Variants in TDRD12 observed in about 807,000 individuals in gnomAD.
TDRD12 encodes tudor domain containing 12, also known as putative ATP-dependent RNA helicase TDRD12.
In TDRD12, 158 loss-of-function variants were observed where a neutral mutation model predicts 133.5. The ratio of observed to expected loss-of-function variants is 1.18; its 90% CI spans 1.04 to 1.35. The LOEUF (loss-of-function observed/expected upper bound fraction) is 1.35. Ranked by LOEUF, TDRD12 falls within the 40% of genes most tolerant of loss-of-function variation. The pLI, the probability that TDRD12 is intolerant of heterozygous loss-of-function variation, is 0.00. For missense variants in TDRD12, 1,443 were observed against 1,321.3 expected (o/e 1.09, Z -1.43); for synonymous variants, 460 against 477.9 (o/e 0.96, Z 0.49).
chr19:32,724,493 T>C (rs1968796196), intron 1 of TDRD12, among the ~76,000 whole-genome samples: 1 of 152,116 alleles, frequency 6.6e-6, no homozygotes. Flanking sequence ...TCTGTTCCAG[T>C]GTTAGTTTGC....
chr19:32,804,659 C>T (rs1971491800), intron 21 of TDRD12, among the ~76,000 whole-genome samples: 1 of 149,536 alleles, frequency 6.7e-6, no homozygotes, highest in Admixed American at 6.7e-5. Flanking sequence ...TGCCACTGCA[C>T]TCCAGCCTGG....
At chr19:32,791,227 C>T (rs747050648) in intron 13 of TDRD12, among the ~76,000 whole-genome samples, 159 bp downstream of exon 13, 5 of 152,168 alleles carry the variant, frequency 3.3e-5, no homozygotes, top group Non-Finnish European at 7.3e-5. Context: ...CACACTCGGC[C>T]TAATTTCTCA....
chr19:32,739,792 G>C (rs1969350610), intron 3 of TDRD12, among the ~76,000 whole-genome samples: 1 of 140,382 alleles, frequency 7.1e-6, no homozygotes. Context: ...TGCATCTCCT[G>C]GGTGCTCTCT....
chr19:32,828,092 T>TGATAGTGTTAGCATTCTTG (rs1225258905), exon 10 of TDRD12: 1 of 152,188 alleles, frequency 6.6e-6, no homozygotes, highest in Non-Finnish European at 1.5e-5. Context: ...CTATGTGAAT[T>TGATAGTGTTAGCATTCTTG]GATAGTGTTA....
chr19:32,735,652 G>A (rs1969201654), intron 2 of TDRD12, among the ~76,000 whole-genome samples: 1 of 152,214 alleles, frequency 6.6e-6, no homozygotes, highest in Non-Finnish European at 1.5e-5. Context: ...TGGAGAAGAT[G>A]TCTTCTAGGA....
intron 2 of TDRD12, among the ~76,000 whole-genome samples, chr19:32,736,980 C>G (rs115814514): frequency 3.5e-4 from 51 of 145,526 alleles, no homozygotes; most frequent in African/African-American, 1.3e-3. Flanking sequence ...CCTAGCTTAC[C>G]CTAGCCTACT....
chr19:32,757,716 C>T (rs1262593563), intron 8 of TDRD12, among the ~76,000 whole-genome samples: 2 of 152,136 alleles, frequency 1.3e-5, no homozygotes, highest in South Asian at 2.1e-4. Flanking sequence ...AACGAAACAA[C>T]CTTGAGCAAA....
chr19:32,800,342 A>G (rs978960521), exon 17 of TDRD12: 13 of 1,517,918 alleles, frequency 8.6e-6, no homozygotes, highest in Non-Finnish European at 9.6e-6. Flanking sequence ...GCTGCTCTCT[A>G]TGGCAATGTC....
rs574575958 is a variant in TDRD12, at chr19:32,806,403, C to T, written c.2553-1146C>T. ...TGTCACCCAGGCTAGAGTGCAATGGCGTGATCTCAGCTCACTGAAACCTCC... is the reference window on the plus strand; with the variant it reads ...TGTCACCCAGGCTAGAGTGCAATGGTGTGATCTCAGCTCACTGAAACCTCC... On this transcript the variant is annotated intron_variant, in intron 21 of 27. Coordinates refer to ENST00000444215, the Ensembl canonical transcript of TDRD12. Among the ~76,000 whole-genome samples, 351 of 143,360 alleles carry T rather than the reference C, an allele frequency of 2.4e-3. 1 individual carries two copies. Among genetic ancestry groups the T allele is most frequent in the Non-Finnish European group, 4.6e-3 (307 of 67,074 alleles). 94.0% of individuals were successfully genotyped at this position (143,360 alleles called of 152,430 possible). A position where few individuals can be genotyped will look rare whatever the true frequency, so the allele number is the denominator to read the frequency against.
intron 11 of TDRD12, among the ~76,000 whole-genome samples, chr19:32,786,009 A>G (rs758880843): frequency 6.6e-5 from 10 of 152,108 alleles, no homozygotes; most frequent in Non-Finnish European, 1.3e-4. Flanking sequence ...TAATTGATGT[A>G]GTTTCTTCAT....
chr19:32,723,580 T>C (rs941943567), intron 1 of TDRD12, among the ~76,000 whole-genome samples: 6 of 151,706 alleles, frequency 4.0e-5, no homozygotes, highest in Admixed American at 3.3e-4. Flanking sequence ...TCAGGTGATA[T>C]GAGTCTTCCA....
chr19:32,773,566 C>T lies in TDRD12; in HGVS notation c.1040+34C>T, dbSNP rs146752048. On this transcript the variant is annotated intron_variant, in intron 10 of 27. Coordinates refer to ENST00000444215, the Ensembl canonical transcript of TDRD12. ...TGAAAATTCAAACTGGGTGTGGTGG[C>T]GCCTGCCTGTAGTCCCAGCTACTGG... 2,668 of 1,539,392 alleles carry T rather than the reference C, an allele frequency of 1.7e-3. 40 individuals are homozygous for T. In the African/African-American group the frequency reaches 0.032, roughly 19 times the overall value.
At chr19:32,822,521 G>A (rs1195994596), downstream of TDRD12, among the ~76,000 whole-genome samples, 1 of 152,202 alleles carries the variant, frequency 6.6e-6, no homozygotes, top group Non-Finnish European at 1.5e-5. Context: ...GCCAGGACGG[G>A]CAGATCGTGA....
chr19:32,827,372 C>CTTTTCTTTTTTTTTTTTTT, exon 10 of TDRD12: 1 of 119,008 alleles, frequency 8.4e-6, no homozygotes, highest in Non-Finnish European at 1.4e-5. Flanking sequence ...CTTTTCTTTT[C>CTTTTCTTTTTTTTTTTTTT]TTTTTTTTTT....
chr19:32,794,175 G>C (rs556867292), intron 13 of TDRD12, among the ~76,000 whole-genome samples: 1 of 125,984 alleles, frequency 7.9e-6, no homozygotes, highest in South Asian at 2.6e-4. Flanking sequence ...GCACAGTCTT[G>C]GCTTACCGCA....
intron 3 of TDRD12, 55 bp from the exon 4 acceptor site, chr19:32,742,726 A>G: frequency 1.3e-6 from 2 of 1,488,282 alleles, no homozygotes; most frequent in Admixed American, 4.5e-5. Context: ...ACTTTAACGG[A>G]GTATGTTATA....
intron 11 of TDRD12, among the ~76,000 whole-genome samples, chr19:32,778,957 G>A (rs1362119694): frequency 6.6e-6 from 1 of 152,070 alleles, no homozygotes; most frequent in Non-Finnish European, 1.5e-5. Context: ...AGGTAATTCA[G>A]GATTAAACAT....
intron 6 of TDRD12, among the ~76,000 whole-genome samples, chr19:32,750,802 T>C (rs1275815465): frequency 2.0e-5 from 3 of 152,170 alleles, no homozygotes; most frequent in Admixed American, 2.0e-4. Flanking sequence ...TTCCTCAATT[T>C]GGTTTGCCTG....
At chr19:32,822,255 C>T (rs1967424148), downstream of TDRD12, among the ~76,000 whole-genome samples, 1 of 152,142 alleles carries the variant, frequency 6.6e-6, no homozygotes, top group African/African-American at 2.4e-5. Context: ...CATGTTGGAA[C>T]CCCATCTCTA....
Sources: gnomAD v4.1 joint callset for allele counts (sites outside exome capture counted in the v4.1 genomes callset) on GRCh38, gnomAD v4.1.1 for gene constraint, MANE v1.5 for transcripts, NCBI Gene and HGNC (gene_info 2026-07-23, HGNC 2026-07-21) for gene names.